Variants in SULT1C3 observed in about 807,000 individuals in gnomAD.
SULT1C3 encodes sulfotransferase 1C3.
In SULT1C3, 31 loss-of-function variants were observed where a neutral mutation model predicts 28.4. The observed-to-expected ratio is 1.09, with a 90% CI of 0.82 to 1.47. The LOEUF (loss-of-function observed/expected upper bound fraction) is 1.47. Among genes scored for constraint, SULT1C3 ranks in the 40% most tolerant of loss-of-function variants. The probability of loss-of-function intolerance (pLI) is 0.00; values close to 1 mark genes in which losing one functional copy is unlikely to be tolerated. For missense variants in SULT1C3, 307 were observed against 272.5 expected, an observed-to-expected ratio of 1.13 and a Z score of -0.89; for synonymous variants, 106 against 92.2, an observed-to-expected ratio of 1.15 and a Z score of -0.86.
intron 7 of SULT1C3, 39 bp from the exon 8 acceptor site, chr2:108,260,529 G>C (rs754566801): frequency 6.1e-6 from 3 of 488,822 alleles, no homozygotes; most frequent in Non-Finnish European, 1.2e-5. Context: ...AGGTGGAATG[G>C]GTGCAGAGTC....
chr2:108,244,131 A>ACCT (rs55744000), intron 1 of SULT1C3, among the ~76,000 whole-genome samples: 40,383 of 152,018 alleles, frequency 0.27, 6,294 homozygotes, highest in East Asian at 0.73. Context: ...CTTAAGATCA[A>ACCT]CAAAAATCCT....
chr2:108,247,822 A>C (rs578199462), intron 2 of SULT1C3, among the ~76,000 whole-genome samples: 1 of 152,312 alleles, frequency 6.6e-6, no homozygotes, highest in South Asian at 2.1e-4. Flanking sequence ...GTACCAAATT[A>C]GTCTCATTCA....
At chr2:108,253,216 TAA>T (rs1573220905) in intron 3 of SULT1C3, 127 bp from the exon 4 acceptor site, 1 of 498,762 alleles carries the variant, frequency 2.0e-6, no homozygotes, top group East Asian at 3.5e-5. Flanking sequence ...TCCTTGTGGA[TAA>T]AAAATTACTA....
At chr2:108,247,400 T>A in intron 2 of SULT1C3, 34 bp downstream of exon 2, 5 of 1,469,326 alleles carry the variant, frequency 3.4e-6, no homozygotes, top group Non-Finnish European at 4.5e-6. Context: ...TATTCAATAT[T>A]TTCACGTGAA....
chr2:108,247,498 C>T, intron 2 of SULT1C3, 132 bp downstream of exon 2: 1 of 854,358 alleles, frequency 1.2e-6, no homozygotes. Context: ...TTCTTTGGTG[C>T]TGCAGGACAT....
chr2:108,257,098 G>T (rs984891424), intron 5 of SULT1C3, among the ~76,000 whole-genome samples: 5 of 152,006 alleles, frequency 3.3e-5, no homozygotes, highest in African/African-American at 9.7e-5. Flanking sequence ...TGTTGTTTCT[G>T]TGAAAGTGTC....
chr2:108,255,703 G>C lies in SULT1C3; in HGVS notation c.526+5G>C. 2 of 1,608,854 alleles carry C rather than the reference G, an allele frequency of 1.2e-6. No homozygotes were observed. Among genetic ancestry groups the C allele is most frequent in the Non-Finnish European group, 1.7e-6 (2 of 1,176,852 alleles). ...AGAAATTCATGTCCGGAAAAGGTGA[G>C]TTCAAACTGATCTTTTTGGTACCCT... is the stretch of plus-strand genomic sequence containing the variant. On this transcript the variant is annotated splice_donor_5th_base_variant and intron_variant, in intron 5 of 7. Transcript: ENST00000681802.
At chr2:108,240,840 A>G (rs1675446273) in intron 1 of SULT1C3, among the ~76,000 whole-genome samples, 2 of 152,224 alleles carry the variant, frequency 1.3e-5, no homozygotes, top group South Asian at 4.1e-4. Context: ...TGATAAGACC[A>G]TGTGTGCTGT....
At chr2:108,251,290 G>T (rs561545746) in intron 2 of SULT1C3, among the ~76,000 whole-genome samples, 1 of 152,130 alleles carries the variant, frequency 6.6e-6, no homozygotes, top group South Asian at 2.1e-4. Flanking sequence ...TAAAAATTAG[G>T]TAAAGTAGGA....
At chr2:108,254,709 A>G (rs560881997) in intron 4 of SULT1C3, among the ~76,000 whole-genome samples, 1 of 141,368 alleles carries the variant, frequency 7.1e-6, no homozygotes, top group African/African-American at 2.8e-5. Flanking sequence ...GTGTATATAT[A>G]TATGTATGTA....
chr2:108,256,350 C>G (rs1675867073), intron 5 of SULT1C3, among the ~76,000 whole-genome samples: 1 of 152,058 alleles, frequency 6.6e-6, no homozygotes. Context: ...AAACAACAAT[C>G]TCTAGACAGA....
chr2:108,254,380 G>A (rs914893158), intron 4 of SULT1C3, among the ~76,000 whole-genome samples: 1 of 151,832 alleles, frequency 6.6e-6, no homozygotes, highest in South Asian at 2.1e-4. Flanking sequence ...TTTCATAGAG[G>A]GCCCCTACAG....
chr2:108,254,703 A>G (rs1388327903), intron 4 of SULT1C3, among the ~76,000 whole-genome samples: 10 of 150,914 alleles, frequency 6.6e-5, no homozygotes, highest in African/African-American at 4.9e-5. Context: ...GTGTGTGTGT[A>G]TATATATATG....
At chr2:108,245,621 G>T (rs901974865) in intron 1 of SULT1C3, among the ~76,000 whole-genome samples, 10 of 152,214 alleles carry the variant, frequency 6.6e-5, no homozygotes, top group Middle Eastern at 3.4e-3. Context: ...AGGGTAACAA[G>T]ACCCTAGGCT....
intron 2 of SULT1C3, among the ~76,000 whole-genome samples, 188 bp from the exon 3 acceptor site, chr2:108,252,177 A>AGATAGATG (rs1675743804): frequency 6.6e-6 from 1 of 151,078 alleles, no homozygotes; most frequent in African/African-American, 2.4e-5. Context: ...ATAGATAGAT[A>AGATAGATG]GATAGATAGA....
chr2:108,263,816 C>T (rs1676073847), downstream of SULT1C3, among the ~76,000 whole-genome samples: 1 of 152,160 alleles, frequency 6.6e-6, no homozygotes, highest in African/African-American at 2.4e-5. Flanking sequence ...ACTACTTTTT[C>T]GGTATTCTAA....
chr2:108,254,079 C>T (rs1335671542), intron 4 of SULT1C3, among the ~76,000 whole-genome samples: 1 of 151,950 alleles, frequency 6.6e-6, no homozygotes, highest in East Asian at 1.9e-4. Flanking sequence ...TCCCTGTAAC[C>T]TCTACTCTTC....
intron 5 of SULT1C3, 109 bp downstream of exon 5, chr2:108,255,807 C>G: frequency 7.4e-7 from 1 of 1,351,312 alleles, no homozygotes; most frequent in East Asian, 2.6e-5. Context: ...TTGAGGAGGT[C>G]CTATCTTGAT....
downstream of SULT1C3, chr2:108,264,908 C>T: frequency 6.2e-7 from 1 of 1,613,928 alleles, no homozygotes; most frequent in Non-Finnish European, 8.5e-7. Context: ...TCATCTATCA[C>T]ACCTCCTTTG....
Sources: allele counts gnomAD v4.1 joint callset (sites outside exome capture counted in the v4.1 genomes callset), GRCh38; gene constraint gnomAD v4.1.1; transcripts MANE v1.5; gene names NCBI Gene and HGNC (gene_info 2026-07-23, HGNC 2026-07-21).